FBXO34: variants seen among roughly 807,000 people sequenced by gnomAD.
FBXO34 encodes F-box only protein 34.
In FBXO34, 12 loss-of-function variants were observed where a neutral mutation model predicts 24.5. The observed-to-expected ratio is 0.49, with a 90% CI of 0.31 to 0.79. The LOEUF is 0.79. Ranked by LOEUF, FBXO34 falls within the 30% of genes least tolerant of loss-of-function variation. The pLI is 0.04. For missense variants in FBXO34, 823 were observed against 857.7 expected (o/e 0.96, Z 0.51); for synonymous variants, 320 against 311.9 (o/e 1.03, Z -0.27).
downstream of FBXO34, chr14:55,355,239 C>CT (rs1884503021): frequency 6.6e-6 from 1 of 152,308 alleles, no homozygotes; most frequent in Non-Finnish European, 1.5e-5. Flanking sequence ...GTAACATTTG[C>CT]TTTTTTAGGC....
intron 1 of FBXO34, among the ~76,000 whole-genome samples, chr14:55,286,781 T>C (rs2139664918): frequency 6.6e-6 from 1 of 152,266 alleles, no homozygotes; most frequent in South Asian, 2.1e-4. Context: ...CTTACATGCT[T>C]GGGACCAGAA....
the FBXO34 span, chr14:55,385,878 C>T: frequency 6.2e-7 from 1 of 1,611,948 alleles, no homozygotes; most frequent in Non-Finnish European, 8.5e-7. Flanking sequence ...GTCTTTACTT[C>T]CTCGATTGGA....
intron 1 of FBXO34, among the ~76,000 whole-genome samples, chr14:55,344,546 AT>A (rs3085086): frequency 0.2 from 27,222 of 138,826 alleles, 3,928 homozygotes; most frequent in African/African-American, 0.43. Flanking sequence ...GTGTATGTGT[AT>A]TTTTTTTTTT....
At chr14:55,426,634 T>A in the FBXO34 span, among the ~76,000 whole-genome samples, 1 of 150,230 alleles carries the variant, frequency 6.7e-6, no homozygotes, top group Non-Finnish European at 1.5e-5. Flanking sequence ...GACAGCCGAA[T>A]GGAGAGGATG....
At chr14:55,424,002 A>G in the FBXO34 span, among the ~76,000 whole-genome samples, 1 of 152,210 alleles carries the variant, frequency 6.6e-6, no homozygotes, top group South Asian at 2.1e-4. Flanking sequence ...AGGTACTGGG[A>G]CCTATGGGTG....
chr14:55,298,626 A>C, intron 1 of FBXO34: 5 of 1,304,072 alleles, frequency 3.8e-6, no homozygotes, highest in Non-Finnish European at 5.3e-6. Flanking sequence ...CGGGCGTTGA[A>C]GGCTGGCGCG....
intron 1 of FBXO34, chr14:55,298,684 T>C (rs61210954): frequency 0.46 from 710,894 of 1,549,408 alleles, 168,955 homozygotes; most frequent in African/African-American, 0.81. Context: ...AAGGGCGGCC[T>C]GACCCTCCAG....
chr14:55,340,589 G>T (rs1883959532), intron 1 of FBXO34, among the ~76,000 whole-genome samples: 1 of 151,886 alleles, frequency 6.6e-6, no homozygotes, highest in African/African-American at 2.4e-5. Context: ...CTTTCCCTGG[G>T]GTCAAGCCAT....
chr14:55,329,874 C>A (rs1037508363), intron 1 of FBXO34, among the ~76,000 whole-genome samples: 1 of 151,816 alleles, frequency 6.6e-6, no homozygotes, highest in African/African-American at 2.4e-5. Context: ...TTTTGACTAG[C>A]GTTTTTACAT....
the FBXO34 span, among the ~76,000 whole-genome samples, chr14:55,414,717 A>C: frequency 1.3e-5 from 2 of 152,184 alleles, no homozygotes; most frequent in Admixed American, 6.5e-5. Context: ...GAAATGTGGA[A>C]TGTTATCTCT....
the FBXO34 span, among the ~76,000 whole-genome samples, chr14:55,400,520 A>T: frequency 6.6e-6 from 1 of 152,210 alleles, no homozygotes; most frequent in Non-Finnish European, 1.5e-5. Flanking sequence ...TCTTCCTTCC[A>T]AATTTTCACT....
chr14:55,381,849 TG>T, the FBXO34 span: 3 of 823,838 alleles, frequency 3.6e-6, no homozygotes, highest in African/African-American at 5.1e-5. Context: ...CACAGTGCTG[TG>T]AATGTACTAA....
At chr14:55,418,540 G>C in the FBXO34 span, among the ~76,000 whole-genome samples, 1 of 152,084 alleles carries the variant, frequency 6.6e-6, no homozygotes, top group Non-Finnish European at 1.5e-5. Context: ...TTAGTTGGGG[G>C]TTACTGTTAA....
chr14:55,277,200 C>T (rs1482424356), intron 1 of FBXO34, among the ~76,000 whole-genome samples: 5 of 152,198 alleles, frequency 3.3e-5, no homozygotes, highest in African/African-American at 1.2e-4. Context: ...TCTACTAGTT[C>T]CTTCTGAAAC....
chr14:55,401,611 T>A, the FBXO34 span, among the ~76,000 whole-genome samples: 4 of 152,366 alleles, frequency 2.6e-5, no homozygotes, highest in Admixed American at 2.6e-4. Flanking sequence ...ATGAACTTTG[T>A]TGTTTCATAA....
rs370274930 is a variant in FBXO34 at position 55,322,202 on chromosome 14, TAGG to T, written c.-10-28175_-10-28173del. Among the ~76,000 whole-genome samples the T allele has an allele frequency of 7.9e-4, 120 of 151,072 alleles. No homozygotes were observed. In the East Asian group the frequency reaches 0.019, roughly 24 times the overall value. On this transcript the variant is annotated intron_variant, in intron 1 of 1. Transcript: ENST00000313833. ...GCGGGCGCCTGTAGTCCCAGCTACT[TAGG>T]AGGCTGAGGCAAGAGAATGGCGTGA...
the FBXO34 span, chr14:55,440,521 G>A: frequency 6.2e-7 from 1 of 1,609,106 alleles, no homozygotes; most frequent in Non-Finnish European, 8.5e-7. Context: ...CTCGGAACCC[G>A]CTCCGGCCAG....
chr14:55,436,238 C>T, the FBXO34 span, among the ~76,000 whole-genome samples: 1 of 152,304 alleles, frequency 6.6e-6, no homozygotes, highest in Admixed American at 6.5e-5. Context: ...CTCAATTTTA[C>T]ATCTTTATAT....
At chr14:55,390,830 T>G in the FBXO34 span, 1 of 967,310 alleles carries the variant, frequency 1.0e-6, no homozygotes, top group Non-Finnish European at 1.6e-6. Flanking sequence ...CCTTCCTTTC[T>G]GTGTCCCTCT....
Sources: allele counts gnomAD v4.1 joint callset (sites outside exome capture counted in the v4.1 genomes callset), GRCh38; gene constraint gnomAD v4.1.1; transcripts MANE v1.5; gene names NCBI Gene and HGNC (gene_info 2026-07-23, HGNC 2026-07-21).